ZBTB20: variants seen among roughly 807,000 people sequenced by gnomAD.
ZBTB20 encodes zinc finger and BTB domain-containing protein 20.
In ZBTB20, 9 loss-of-function variants were observed where a neutral mutation model predicts 56.9. The ratio of observed to expected loss-of-function variants is 0.16; its 90% CI spans 0.10 to 0.28. ZBTB20 has a LOEUF of 0.28. Ranked by LOEUF, ZBTB20 falls within the 10% of genes least tolerant of loss-of-function variation. The probability of loss-of-function intolerance (pLI) is 1.00; values close to 1 mark genes in which losing one functional copy is unlikely to be tolerated. For missense variants in ZBTB20, 655 were observed against 1,003.0 expected, an observed-to-expected ratio of 0.65 and a Z score of 4.69; for synonymous variants, 417 against 420.7, an observed-to-expected ratio of 0.99 and a Z score of 0.11.
intron 7 of ZBTB20, among the ~76,000 whole-genome samples, chr3:114,429,317 T>G (rs759170598): frequency 3.9e-4 from 59 of 152,208 alleles, no homozygotes; most frequent in Non-Finnish European, 6.6e-4. Flanking sequence ...CAAATCATAA[T>G]CATTAATTTT....
At chr3:114,765,113 G>A (rs2068697705) in intron 5 of ZBTB20, among the ~76,000 whole-genome samples, 1 of 152,140 alleles carries the variant, frequency 6.6e-6, no homozygotes, top group African/African-American at 2.4e-5. Context: ...GCAAAGCTAA[G>A]AACTATGTAC....
intron 7 of ZBTB20, among the ~76,000 whole-genome samples, chr3:114,475,553 G>A (rs1204196529): frequency 2.6e-5 from 4 of 152,046 alleles, no homozygotes; most frequent in African/African-American, 4.8e-5. Context: ...ATTGTCTAAA[G>A]AAGATTAGAA....
At chr3:114,646,135 C>T (rs941250876) in intron 6 of ZBTB20, among the ~76,000 whole-genome samples, 1 of 124,748 alleles carries the variant, frequency 8.0e-6, no homozygotes, top group Non-Finnish European at 1.6e-5. Flanking sequence ...TTTATAAAAC[C>T]TCTACAGAAA....
At chr3:114,479,661 G>T (rs1173704383) in intron 7 of ZBTB20, among the ~76,000 whole-genome samples, 1 of 152,160 alleles carries the variant, frequency 6.6e-6, no homozygotes, top group African/African-American at 2.4e-5. Context: ...ACGTGTCTAT[G>T]TGTGTTTCTA....
intron 4 of ZBTB20, among the ~76,000 whole-genome samples, chr3:114,871,490 A>G (rs1576179097): frequency 6.6e-6 from 1 of 152,232 alleles, no homozygotes; most frequent in African/African-American, 2.4e-5. Flanking sequence ...ATACCAGCTT[A>G]GGCTAAATGT....
At chr3:114,794,764 C>A (rs1303151699) in intron 5 of ZBTB20, among the ~76,000 whole-genome samples, 2 of 151,978 alleles carry the variant, frequency 1.3e-5, no homozygotes, top group Non-Finnish European at 2.9e-5. Context: ...GTTATTAATG[C>A]ATCATACTTA....
At chr3:114,729,104 C>T (rs560131292) in intron 5 of ZBTB20, among the ~76,000 whole-genome samples, 1 of 152,132 alleles carries the variant, frequency 6.6e-6, no homozygotes, top group Non-Finnish European at 1.5e-5. Context: ...AAAACTGACT[C>T]CAGCTACCCA....
intron 2 of ZBTB20, among the ~76,000 whole-genome samples, chr3:115,062,547 A>G (rs561216771): frequency 9.0e-4 from 137 of 152,226 alleles, no homozygotes; most frequent in African/African-American, 3.1e-3. Flanking sequence ...TTTGTTTACA[A>G]GACAAGTTCT....
At chr3:114,683,930 G>T (rs2108268371) in intron 6 of ZBTB20, among the ~76,000 whole-genome samples, 1 of 152,230 alleles carries the variant, frequency 6.6e-6, no homozygotes, top group Non-Finnish European at 1.5e-5. Context: ...TTGGGGTGGG[G>T]GGCAGTGGTG....
chr3:114,413,833 C>T (rs2088234225), intron 7 of ZBTB20, among the ~76,000 whole-genome samples: 1 of 152,156 alleles, frequency 6.6e-6, no homozygotes, highest in Non-Finnish European at 1.5e-5. Context: ...AAAGGTCACA[C>T]AGCTGGTAAA....
At chr3:115,071,905 GGGTT>G (rs1337779171) in intron 1 of ZBTB20, among the ~76,000 whole-genome samples, 2 of 152,170 alleles carry the variant, frequency 1.3e-5, no homozygotes, top group African/African-American at 4.8e-5. Flanking sequence ...TTATTCCACA[GGGTT>G]TAGCTTGCAG....
intron 7 of ZBTB20, among the ~76,000 whole-genome samples, chr3:114,411,593 C>T (rs959379757): frequency 3.9e-5 from 6 of 152,074 alleles, no homozygotes; most frequent in Admixed American, 1.3e-4. Context: ...AAAAACACAA[C>T]GCTCTGCATG....
In ZBTB20 at chr3:114,351,310, G is replaced by T. The variant is rs1333708560; in HGVS notation, c.768C>A (p.Ser256Arg). Residue 256 changes from serine (S) to arginine (R), a missense_variant, in exon 11 of 12, where the codon AGC becomes AGA. This residue lies in a region of ZBTB20 where 167 missense variants were observed against 281.9 expected (regional missense o/e 0.59). Transcript: ENST00000675478. ...ALYACSMQNG[S>R]GERSFYSGAV... is the part of the protein sequence containing the mutation. Reference sequence around the variant, plus strand: ...CGCCGCTGTAAAAAGAGCGCTCGCCGCTGCCATTCTGCATGGAGCACGCGT... The same window carrying T: ...CGCCGCTGTAAAAAGAGCGCTCGCCTCTGCCATTCTGCATGGAGCACGCGT... 1 of 1,606,018 alleles carries T rather than the reference G, an allele frequency of 6.2e-7. No individual in the cohort carries two copies. Among genetic ancestry groups the T allele is most frequent in the Admixed American group, 1.7e-5 (1 of 59,972 alleles).
At chr3:115,077,339 C>T (rs1427646822) in intron 1 of ZBTB20, among the ~76,000 whole-genome samples, 1 of 152,108 alleles carries the variant, frequency 6.6e-6, no homozygotes, top group African/African-American at 2.4e-5. Flanking sequence ...GTGATTAAAT[C>T]ATGAAGGCAG....
At chr3:114,688,715 C>T (rs978878599) in intron 6 of ZBTB20, among the ~76,000 whole-genome samples, 2 of 152,072 alleles carry the variant, frequency 1.3e-5, no homozygotes, top group Non-Finnish European at 1.5e-5. Flanking sequence ...GGCTAAAGTG[C>T]CTTTCAATAA....
At chr3:114,908,656 T>C (rs1486895847) in intron 3 of ZBTB20, among the ~76,000 whole-genome samples, 1 of 151,950 alleles carries the variant, frequency 6.6e-6, no homozygotes. Context: ...TGAAAAACTT[T>C]AAATGAAATG....
chr3:115,041,701 G>T (rs2081149849), intron 2 of ZBTB20, among the ~76,000 whole-genome samples: 1 of 152,106 alleles, frequency 6.6e-6, no homozygotes, highest in Non-Finnish European at 1.5e-5. Context: ...TTAACAAGAT[G>T]ATTAGTAAGA....
intron 7 of ZBTB20, among the ~76,000 whole-genome samples, chr3:114,404,222 C>T (rs2087084673): frequency 6.6e-6 from 1 of 152,084 alleles, no homozygotes; most frequent in South Asian, 2.1e-4. Flanking sequence ...AGACTTATGC[C>T]TAAGGTAATC....
intron 6 of ZBTB20, among the ~76,000 whole-genome samples, chr3:114,556,444 T>C (rs2110238208): frequency 1.3e-5 from 2 of 149,804 alleles, no homozygotes; most frequent in African/African-American, 5.1e-5. Flanking sequence ...ACCCTGAAGA[T>C]ACCCTTCAGG....
Sources: allele counts gnomAD v4.1 joint callset (sites outside exome capture counted in the v4.1 genomes callset), GRCh38; gene constraint gnomAD v4.1.1; regional missense constraint gnomAD v4.1.1; transcripts MANE v1.5; gene names NCBI Gene and HGNC (gene_info 2026-07-23, HGNC 2026-07-21).